Variants in EYS observed in about 807,000 individuals in gnomAD.
The protein encoded by EYS is protein eyes shut homolog.
EYS carries 250 observed loss-of-function variants against 282.1 expected under a neutral mutation model. The ratio of observed to expected loss-of-function variants is 0.89; its 90% CI spans 0.80 to 0.98. EYS has a LOEUF of 0.98. EYS is among the 50% of genes least tolerant of loss of function. EYS has a pLI of 0.00. For synonymous variants in EYS, 1,355 were observed against 1,282.9 expected, an observed-to-expected ratio of 1.06 and a Z score of -1.20; for missense variants, 4,016 against 3,709.0, an observed-to-expected ratio of 1.08 and a Z score of -2.15.
At chr6:65,424,239 A>G (rs1364926421) in intron 5 of EYS, among the ~76,000 whole-genome samples, 1 of 151,758 alleles carries the variant, frequency 6.6e-6, no homozygotes, top group Non-Finnish European at 1.5e-5. Flanking sequence ...TCTCCCTTTC[A>G]TTATGTTCCC....
At chr6:63,877,275 C>T (rs321488) in intron 35 of EYS, among the ~76,000 whole-genome samples, 150,649 of 152,310 alleles carry the variant, frequency 0.99, 74,530 homozygotes, top group Middle Eastern at 1. Flanking sequence ...CATTCTTTTC[C>T]TTAAGAATGT....
intron 22 of EYS, among the ~76,000 whole-genome samples, chr6:64,760,141 G>T (rs1365788591): frequency 6.6e-6 from 1 of 152,114 alleles, no homozygotes; most frequent in African/African-American, 2.4e-5. Context: ...AGGCCACAGT[G>T]CCCTCTGTCT....
At chr6:64,007,232 G>T (rs1334559589) in intron 33 of EYS, among the ~76,000 whole-genome samples, 1 of 152,010 alleles carries the variant, frequency 6.6e-6, no homozygotes, top group Non-Finnish European at 1.5e-5. Flanking sequence ...TGTGAGATAT[G>T]TGTATCCAGG....
intron 5 of EYS, among the ~76,000 whole-genome samples, chr6:65,481,527 A>G (rs1765606226): frequency 6.6e-6 from 1 of 151,982 alleles, no homozygotes; most frequent in South Asian, 2.1e-4. Context: ...CTATTTTGAG[A>G]CAATTTTTTG....
At chr6:63,848,410 C>T (rs113789788) in intron 36 of EYS, among the ~76,000 whole-genome samples, 8 of 151,932 alleles carry the variant, frequency 5.3e-5, no homozygotes, top group Admixed American at 1.3e-4. Context: ...CAAATAGGAA[C>T]AGCTCTGGTC....
intron 2 of EYS, among the ~76,000 whole-genome samples, chr6:65,635,802 G>T (rs1199025106): frequency 6.6e-6 from 1 of 152,104 alleles, no homozygotes; most frequent in Non-Finnish European, 1.5e-5. Flanking sequence ...CTGACACCTG[G>T]ACCTGATTGC....
chr6:65,381,225 A>G (rs576546710), intron 8 of EYS, among the ~76,000 whole-genome samples: 3 of 152,302 alleles, frequency 2.0e-5, no homozygotes, highest in African/African-American at 7.2e-5. Context: ...CCAAATGCCC[A>G]TCAATGATAG....
chr6:65,491,268 TATACACAC>T (rs1003259816), intron 4 of EYS: 12 of 160,730 alleles, frequency 7.5e-5, no homozygotes, highest in East Asian at 3.5e-4. Context: ...ATATCAGTTA[TATACACAC>T]ACACACACAC....
intron 22 of EYS, among the ~76,000 whole-genome samples, chr6:64,652,680 T>C (rs1768605229): frequency 6.6e-6 from 1 of 152,186 alleles, no homozygotes; most frequent in African/African-American, 2.4e-5. Context: ...CAGTGATAAT[T>C]TGTTATGCAG....
chr6:65,168,070 A>AT (rs113968485), intron 12 of EYS, among the ~76,000 whole-genome samples: 29,223 of 150,880 alleles, frequency 0.19, 3,078 homozygotes, highest in Middle Eastern at 0.24. Context: ...TGTATTCTCT[A>AT]TTTTTTTCTA....
chr6:65,642,351 G>A (rs1767303464), intron 1 of EYS, among the ~76,000 whole-genome samples: 1 of 152,078 alleles, frequency 6.6e-6, no homozygotes, highest in South Asian at 2.1e-4. Flanking sequence ...ATAATTATTT[G>A]TAGGAATAAT....
chr6:64,498,113 T>A (rs1445182328), intron 26 of EYS, among the ~76,000 whole-genome samples: 2 of 152,178 alleles, frequency 1.3e-5, no homozygotes, highest in Non-Finnish European at 2.9e-5. Flanking sequence ...CAATCTCTGT[T>A]CTCTAAGAGC....
chr6:64,511,262 C>A (rs999982162), intron 26 of EYS, among the ~76,000 whole-genome samples: 2 of 147,630 alleles, frequency 1.4e-5, no homozygotes, highest in African/African-American at 2.5e-5. Context: ...ATATATATAT[C>A]ATATGTATCA....
chr6:63,919,872 C>T (rs190481563), intron 35 of EYS, among the ~76,000 whole-genome samples: 45 of 152,324 alleles, frequency 3.0e-4, no homozygotes, highest in African/African-American at 8.4e-4. Context: ...CTGTACAGTC[C>T]GACTGCCACA....
chr6:64,110,199 A>G (rs1216481974), intron 31 of EYS, among the ~76,000 whole-genome samples: 4 of 151,784 alleles, frequency 2.6e-5, no homozygotes, highest in African/African-American at 9.7e-5. Context: ...AGCATGGAGG[A>G]AATTTAAAGG....
chr6:64,526,015 A>G (rs1777907009), intron 26 of EYS, among the ~76,000 whole-genome samples: 1 of 151,902 alleles, frequency 6.6e-6, no homozygotes, highest in African/African-American at 2.4e-5. Context: ...TAAATGGAAC[A>G]AACTATTAAT....
intron 7 of EYS, among the ~76,000 whole-genome samples, chr6:65,394,677 T>C (rs2150358906): frequency 6.6e-6 from 1 of 152,224 alleles, no homozygotes; most frequent in African/African-American, 2.4e-5. Flanking sequence ...TACCATTACC[T>C]CAGATATCCC....
At position 64,738,766 on chromosome 6, in the gene EYS, AT is replaced by A. The variant is rs1000229109; in HGVS notation, c.3443+74611del. Among the ~76,000 whole-genome samples the A allele has an allele frequency of 7.2e-5, 11 of 152,164 alleles. No individual in the cohort carries two copies. In the Middle Eastern group the frequency reaches 0.01, roughly 141 times the overall value. On this transcript the variant is annotated intron_variant, in intron 22 of 42. Transcript: ENST00000503581. The stretch of plus-strand genomic sequence containing the variant: ...AAGGAAAAAGACTCAAATTTTAGTA[AT>A]TTTTTTTAAGATGTAATTTTGCCCT...
intron 30 of EYS, among the ~76,000 whole-genome samples, chr6:64,299,453 G>T (rs984731790): frequency 6.6e-6 from 1 of 152,200 alleles, no homozygotes; most frequent in Non-Finnish European, 1.5e-5. Context: ...AGGTCTGTGG[G>T]TCAGACCCCA....
Sources: gnomAD v4.1 joint callset for allele counts (sites outside exome capture counted in the v4.1 genomes callset) on GRCh38, gnomAD v4.1.1 for gene constraint, MANE v1.5 for transcripts, NCBI Gene and HGNC (gene_info 2026-07-23, HGNC 2026-07-21) for gene names.